HIRA: variants seen among roughly 807,000 people sequenced by gnomAD.
HIRA encodes protein HIRA.
In HIRA, 13 loss-of-function variants were observed where a neutral mutation model predicts 126.6. The observed-to-expected ratio is 0.10, with a 90% CI of 0.07 to 0.16. The LOEUF (loss-of-function observed/expected upper bound fraction) is 0.16. HIRA is among the 10% of genes least tolerant of loss of function. The pLI is 1.00. For missense variants in HIRA, 834 were observed against 1,314.4 expected, an observed-to-expected ratio of 0.63 and a Z score of 5.65; for synonymous variants, 511 against 520.0, an observed-to-expected ratio of 0.98 and a Z score of 0.24.
intron 1 of HIRA, among the ~76,000 whole-genome samples, chr22:19,414,129 A>C (rs1302838579): frequency 6.6e-6 from 1 of 152,138 alleles, no homozygotes; most frequent in Non-Finnish European, 1.5e-5. Flanking sequence ...GCAATCACCT[A>C]TCCTTAGATC....
At chr22:19,411,781 CAG>C (rs578072609) in intron 1 of HIRA, among the ~76,000 whole-genome samples, 2,226 of 152,244 alleles carry the variant, frequency 0.015, 29 homozygotes, top group Non-Finnish European at 0.024. Context: ...GACACAGTAC[CAG>C]AGTCACCAGC....
chr22:19,336,189 G>A (rs1556005918), intron 24 of HIRA, among the ~76,000 whole-genome samples: 1 of 152,200 alleles, frequency 6.6e-6, no homozygotes, highest in Non-Finnish European at 1.5e-5. Context: ...AAGCTAACAA[G>A]GAAATGAATT....
chr22:19,403,450 A>C (rs2089285383), intron 5 of HIRA, among the ~76,000 whole-genome samples: 1 of 152,046 alleles, frequency 6.6e-6, no homozygotes, highest in African/African-American at 2.4e-5. Flanking sequence ...TCTACTAAAA[A>C]TACAAAAAAA....
intron 16 of HIRA, 122 bp downstream of exon 16, chr22:19,361,605 G>T: frequency 1.0e-6 from 1 of 980,034 alleles, no homozygotes; most frequent in Non-Finnish European, 1.6e-6. Context: ...GGGGCTGCAT[G>T]TCTAAGCCAG....
At chr22:19,331,578 T>C in intron 24 of HIRA, 22 bp from the exon 25 acceptor site, 2 of 1,564,042 alleles carry the variant, frequency 1.3e-6, no homozygotes, top group Middle Eastern at 1.7e-4. Context: ...GAGTGACAGC[T>C]GAGTGCAAGT....
Position 19,377,959 on chromosome 22 carries a change from G to T in HIRA, c.1523C>A (p.Thr508Asn), listed in dbSNP as rs768556093. ...SPQLLPLDSS[T>N]PNSFGASKPC... ...CTTCGAGGCGCCGAAGGAGTTAGGG[G>T]TACTGGAGTCCAGTGGCAGTAGCTG... is the stretch of plus-strand genomic sequence containing the variant. Residue 508 changes from threonine to asparagine, a missense_variant, in exon 14 of 25, where the codon ACC becomes AAC. Around this residue, in one of 5 missense-constraint regions of HIRA, gnomAD observed 468 missense variants for 574.2 expected, o/e 0.82. Coordinates refer to ENST00000263208, the MANE Select transcript of HIRA (RefSeq NM_003325.4). 2 of 1,613,810 alleles carry T rather than the reference G, an allele frequency of 1.2e-6. No individual in the cohort carries two copies. Among genetic ancestry groups the T allele is most frequent in the Admixed American group, 1.7e-5 (1 of 59,972 alleles).
chr22:19,366,816 A>G (rs946529551), intron 15 of HIRA, among the ~76,000 whole-genome samples: 2 of 152,246 alleles, frequency 1.3e-5, no homozygotes, highest in South Asian at 2.1e-4. Context: ...GCTGGAGTAC[A>G]GTGGCACAAT....
chr22:19,346,478 C>T (rs2088688002), intron 24 of HIRA, among the ~76,000 whole-genome samples: 1 of 152,220 alleles, frequency 6.6e-6, no homozygotes, highest in Non-Finnish European at 1.5e-5. Context: ...GGAACAAATT[C>T]AGAATAGTGT....
At chr22:19,333,913 A>C (rs142543591) in intron 24 of HIRA, among the ~76,000 whole-genome samples, 7 of 152,130 alleles carry the variant, frequency 4.6e-5, no homozygotes, top group Non-Finnish European at 8.8e-5. Context: ...TTGTATTTTT[A>C]AACTCCAGAT....
intron 5 of HIRA, among the ~76,000 whole-genome samples, chr22:19,400,166 G>T (rs1280560995): frequency 6.6e-6 from 1 of 152,212 alleles, no homozygotes; most frequent in Non-Finnish European, 1.5e-5. Flanking sequence ...AGTAAAGTCT[G>T]TTATTCTCCT....
At position 19,394,522 on chromosome 22, in the gene HIRA, T is replaced by C; in HGVS notation, c.655-13A>G. On this transcript the variant is annotated splice_polypyrimidine_tract_variant and intron_variant, in intron 7 of 24. Transcript: ENST00000263208. ...TCGTTCCTCCACACTGAAAGAAGCA[T>C]CTGCACTTGAAAGGAGCTCAAGGCC... The C allele has an allele frequency of 2.5e-6, 4 of 1,612,500 alleles. No individual in the cohort carries two copies. Among genetic ancestry groups the C allele is most frequent in the Non-Finnish European group, 3.4e-6 (4 of 1,178,930 alleles).
In HIRA at chr22:19,357,035, C is replaced by T. The variant is rs199804204; in HGVS notation, c.2251G>A (p.Ala751Thr). ...AAGSCDVVCV[A>T]CEKRMLSVFS... Reference sequence around the variant, plus strand: ...ACTGACAGCATCCTTTTTTCACAGGCGACACACACCACGTCACTGAGAAGG... The same window carrying T: ...ACTGACAGCATCCTTTTTTCACAGGTGACACACACCACGTCACTGAGAAGG... Residue 751 changes from alanine (A) to threonine (T), a missense_variant, in exon 19 of 25, where the codon GCC becomes ACC. This residue lies in a region of HIRA where 468 missense variants were observed against 574.2 expected (regional missense o/e 0.82). Transcript: ENST00000263208. 1.7e-4 allele frequency: 277 copies of T among 1,613,942 alleles called. No individual in the cohort carries two copies. Among genetic ancestry groups the T allele is most frequent in the Middle Eastern group, 6.6e-4 (4 of 6,084 alleles).
Position 19,398,011 on chromosome 22 carries a change from C to A in HIRA, c.474G>T (p.Trp158Cys). The A allele has an allele frequency of 6.2e-7, 1 of 1,613,946 alleles. No homozygotes were observed. Among genetic ancestry groups the A allele is most frequent in the Non-Finnish European group, 8.5e-7 (1 of 1,179,950 alleles). Residue 158 changes from tryptophan to cysteine, a missense_variant, in exon 6 of 25, where the codon TGG becomes TGT. Trp to Cys is a radical substitution (Grantham distance 215, BLOSUM62 -2). Around this residue, in one of 5 missense-constraint regions of HIRA, gnomAD observed 53 missense variants for 163.7 expected, o/e 0.32. Transcript: ENST00000263208. ...CCAGACCTGGGAACTTTACAGCATT[C>A]CAGATGACGACAGTGTTATCCACGC... ...SCSVDNTVVI[W>C]NAVKFPEILA...
chr22:19,392,015 C>T lies in HIRA; in HGVS notation c.936+86G>A, dbSNP rs115865581. 1.0e-3 allele frequency: 721 copies of T among 721,826 alleles called. 3 individuals carry two copies. In the African/African-American group the frequency reaches 0.011, roughly 11 times the overall value. 44.7% of individuals were successfully genotyped at this position (721,826 alleles called of 1,614,324 possible). A position where few individuals can be genotyped will look rare whatever the true frequency, so the allele number is the denominator to read the frequency against. On this transcript the variant is annotated intron_variant, in intron 9 of 24. Coordinates refer to ENST00000263208, the MANE Select transcript of HIRA (RefSeq NM_003325.4). The stretch of plus-strand genomic sequence containing the variant: ...GAATAGAAATACACTCTTAGCATCA[C>T]CCAAAGCAGGTCTCTTTCCTCCACT...
intron 13 of HIRA, among the ~76,000 whole-genome samples, chr22:19,381,751 T>C (rs573343434): frequency 6.6e-6 from 1 of 152,316 alleles, no homozygotes; most frequent in East Asian, 1.9e-4. Flanking sequence ...TTTATCCTTG[T>C]AAGATTTTGA....
At chr22:19,386,021 GAACA>G (rs1485733038) in intron 11 of HIRA, among the ~76,000 whole-genome samples, 3 of 152,238 alleles carry the variant, frequency 2.0e-5, no homozygotes, top group African/African-American at 7.2e-5. Context: ...GTCTGGTGGA[GAACA>G]AATGACAATC....
At chr22:19,387,654 A>G (rs2146220274) in intron 11 of HIRA, 57 bp downstream of exon 11, 2 of 1,318,180 alleles carry the variant, frequency 1.5e-6, no homozygotes, top group East Asian at 4.7e-5. Flanking sequence ...GGGGTCTCTC[A>G]GAGCTATTGT....
chr22:19,358,187 A>G (rs2088831428), intron 18 of HIRA, among the ~76,000 whole-genome samples: 1 of 152,004 alleles, frequency 6.6e-6, no homozygotes, highest in African/African-American at 2.4e-5. Flanking sequence ...TTTGGTAGAG[A>G]TGGGGTTTCA....
intron 9 of HIRA, among the ~76,000 whole-genome samples, chr22:19,389,446 T>G (rs552825557): frequency 1.3e-5 from 2 of 152,134 alleles, no homozygotes; most frequent in Non-Finnish European, 2.9e-5. Context: ...TGGGCTCCCA[T>G]AGGTGCTGCT....
Sources: gnomAD v4.1 joint callset for allele counts (sites outside exome capture counted in the v4.1 genomes callset) on GRCh38, gnomAD v4.1.1 for gene constraint, gnomAD v4.1.1 regional missense constraint, MANE v1.5 for transcripts, NCBI Gene and HGNC (gene_info 2026-07-23, HGNC 2026-07-21) for gene names.